The following TMEM178B variants were observed in gnomAD, a reference collection of about 807,000 sequenced individuals.
The protein encoded by TMEM178B is transmembrane protein 178B.
In TMEM178B, 5 loss-of-function variants were observed where a neutral mutation model predicts 31.0. That is an observed-to-expected ratio of 0.16 (90% CI 0.08 to 0.34). The LOEUF is 0.34. Ranked by LOEUF, TMEM178B falls within the 10% of genes least tolerant of loss-of-function variation. TMEM178B has a pLI of 1.00. For synonymous variants in TMEM178B, 164 were observed against 164.0 expected, an observed-to-expected ratio of 1.00 and a Z score of 0.00; for missense variants, 275 against 400.3, an observed-to-expected ratio of 0.69 and a Z score of 2.67.
intron 2 of TMEM178B, among the ~76,000 whole-genome samples, chr7:141,350,028 C>T (rs1398361828): frequency 6.6e-6 from 1 of 151,984 alleles, no homozygotes; most frequent in Non-Finnish European, 1.5e-5. Flanking sequence ...TCTATCTGTC[C>T]ATCCATCCAT....
At chr7:141,449,692 G>A (rs1801829088) in intron 3 of TMEM178B, among the ~76,000 whole-genome samples, 1 of 152,142 alleles carries the variant, frequency 6.6e-6, no homozygotes, top group Admixed American at 6.5e-5. Flanking sequence ...CGGAGAACTG[G>A]CCCAGATCGA....
In TMEM178B at chr7:141,479,518, T is replaced by C. The variant is rs1045349489; in HGVS notation, c.*8732T>C. On this transcript the variant is annotated 3_prime_UTR_variant, in exon 4 of 4. Transcript: ENST00000565468. ...AAACCTCTTTTGTTTGTGAAAAAGA[T>C]AGGTATCGAGATCTTAATGGAGAGA... 5 of 152,158 alleles carry C rather than the reference T, an allele frequency of 3.3e-5. No homozygotes were observed. The highest frequency in any genetic ancestry group is 5.9e-5 in the Non-Finnish European group (4 of 68,018). The allele number at this position is 152,158 out of a possible 1,614,324, so 9.4% of individuals were successfully genotyped here.
At chr7:141,385,521 T>C (rs943873171) in intron 2 of TMEM178B, among the ~76,000 whole-genome samples, 1 of 152,236 alleles carries the variant, frequency 6.6e-6, no homozygotes, top group Middle Eastern at 3.2e-3. Flanking sequence ...AAGTAATTCA[T>C]ACCTAGAGCA....
chr7:141,087,353 CA>C (rs1794805504), intron 1 of TMEM178B, among the ~76,000 whole-genome samples: 1 of 152,140 alleles, frequency 6.6e-6, no homozygotes, highest in Non-Finnish European at 1.5e-5. Flanking sequence ...CAGGGCTTTA[CA>C]ATGATTGATT....
intron 1 of TMEM178B, among the ~76,000 whole-genome samples, chr7:141,096,455 T>C (rs959258342): frequency 2.0e-5 from 3 of 152,228 alleles, no homozygotes; most frequent in Non-Finnish European, 4.4e-5. Context: ...GGACTGAAGA[T>C]GGCAAAGCCT....
Position 141,074,198 on chromosome 7 carries a change from T to G in TMEM178B, c.-113T>G. On this transcript the variant is annotated 5_prime_UTR_variant, in exon 1 of 4. Transcript: ENST00000565468. The surrounding 1 kb of genome is among the most constrained non-coding windows in gnomAD (Gnocchi z 5.1). The stretch of plus-strand genomic sequence containing the variant: ...GGCCGAGGGGGCGCCGCGGCGCGAG[T>G]CCCTCTCCTGCCCCCTCCCCCAGCT... 2.2e-6 allele frequency: 3 copies of G among 1,371,314 alleles called. No individual in the cohort carries two copies. The highest frequency in any genetic ancestry group is 3.4e-5 in the South Asian group (2 of 59,436). The allele number at this position is 1,371,314 out of a possible 1,614,324, so 84.9% of individuals were successfully genotyped here.
At chr7:141,330,508 C>A (rs1223936766) in intron 2 of TMEM178B, among the ~76,000 whole-genome samples, 1 of 152,100 alleles carries the variant, frequency 6.6e-6, no homozygotes, top group Non-Finnish European at 1.5e-5. Flanking sequence ...AGCATATTTT[C>A]TTTATCCAGT....
intron 2 of TMEM178B, among the ~76,000 whole-genome samples, chr7:141,306,284 C>T (rs1432751677): frequency 6.6e-6 from 1 of 152,152 alleles, no homozygotes; most frequent in Admixed American, 6.6e-5. Context: ...CAGTAATTGT[C>T]TGTGCTCTTT....
rs374129149 is a variant in TMEM178B at position 141,414,854 on chromosome 7, G to A, written c.497-22754G>A. The A allele has an allele frequency of 7.5e-4, 114 of 152,192 alleles. 1 individual carries two copies. Among genetic ancestry groups the A allele is most frequent in the African/African-American group, 2.6e-3 (109 of 41,442 alleles). 9.4% of individuals were successfully genotyped at this position (152,192 alleles called of 1,614,324 possible). A position where few individuals can be genotyped will look rare whatever the true frequency, so the allele number is the denominator to read the frequency against. ...GTTCCAAAAGTTGGGTCAATTATAT[G>A]TGTGCGTTATTATTTATTCTATTAT... On this transcript the variant is annotated intron_variant, in intron 2 of 3. Coordinates refer to ENST00000565468, the MANE Select transcript of TMEM178B (RefSeq NM_001195278.2).
At chr7:141,493,272 T>G in the TMEM178B span, among the ~76,000 whole-genome samples, 7 of 152,174 alleles carry the variant, frequency 4.6e-5, no homozygotes, top group African/African-American at 9.7e-5. Context: ...AGGTGGTTGT[T>G]AGAGCCCTTG....
chr7:141,284,082 A>G lies in TMEM178B; in HGVS notation c.496+71378A>G, dbSNP rs145761188. On this transcript the variant is annotated intron_variant, in intron 2 of 3. Transcript: ENST00000565468. ...GGCTTGGTGTTCTGGGCACAGTGCA[A>G]TGCATTTCTACATGGTTGATCCTCA... Among the ~76,000 whole-genome samples the G allele has an allele frequency of 3.3e-5, 5 of 152,324 alleles. No homozygotes were observed. The East Asian group carries it at 5.8e-4, about 18-fold the overall frequency.
At chr7:141,127,603 C>A (rs1425982243) in intron 1 of TMEM178B, among the ~76,000 whole-genome samples, 2 of 152,208 alleles carry the variant, frequency 1.3e-5, no homozygotes, top group East Asian at 3.8e-4. Flanking sequence ...AGGTTCTCCC[C>A]TACAGCCTCT....
chr7:141,403,083 G>A (rs1418492180), intron 2 of TMEM178B, among the ~76,000 whole-genome samples: 1 of 152,168 alleles, frequency 6.6e-6, no homozygotes, highest in Non-Finnish European at 1.5e-5. Flanking sequence ...TGGCTTTGAG[G>A]CCACAGAGGC....
At chr7:141,195,552 C>A (rs990598219) in intron 1 of TMEM178B, among the ~76,000 whole-genome samples, 1 of 152,178 alleles carries the variant, frequency 6.6e-6, no homozygotes, top group African/African-American at 2.4e-5. Context: ...CAAAGCCATT[C>A]AACAAGTCTC....
intron 3 of TMEM178B, among the ~76,000 whole-genome samples, chr7:141,468,699 G>A (rs1485155125): frequency 6.6e-6 from 1 of 152,190 alleles, no homozygotes; most frequent in Non-Finnish European, 1.5e-5. Context: ...CTCACGCCAG[G>A]GAACTCGAGG....
chr7:141,204,853 C>A (rs1796936899), intron 1 of TMEM178B, among the ~76,000 whole-genome samples: 1 of 152,154 alleles, frequency 6.6e-6, no homozygotes, highest in Non-Finnish European at 1.5e-5. Context: ...CAGGATCTTG[C>A]TCTGTCACCC....
rs11442055 is a variant in TMEM178B at position 141,343,525 on chromosome 7, C to CTTTTTT, written c.497-94064_497-94059dup. ...ATAGCCACAGCTGTGATGGGAGCACCTTTTTTTTTTTTTTTTTTTTTTTTG... is the reference window on the plus strand; with the variant it reads ...ATAGCCACAGCTGTGATGGGAGCACCTTTTTTTTTTTTTTTTTTTTTTTTTTTTTTG... On this transcript the variant is annotated intron_variant, in intron 2 of 3. Coordinates refer to ENST00000565468, the MANE Select transcript of TMEM178B (RefSeq NM_001195278.2). Among the ~76,000 whole-genome samples, 38 of 86,998 alleles carry CTTTTTT rather than the reference C, an allele frequency of 4.4e-4. 1 individual carries two copies. Among genetic ancestry groups the CTTTTTT allele is most frequent in the Admixed American group, 5.8e-4 (4 of 6,940 alleles). 57.1% of individuals were successfully genotyped at this position (86,998 alleles called of 152,430 possible).
intron 2 of TMEM178B, among the ~76,000 whole-genome samples, chr7:141,253,065 T>C (rs563107336): frequency 6.6e-6 from 1 of 152,372 alleles, no homozygotes; most frequent in East Asian, 1.9e-4. Context: ...TCCAGTTCTG[T>C]GGTGCTATGC....
At chr7:141,097,154 G>T (rs1794973514) in intron 1 of TMEM178B, among the ~76,000 whole-genome samples, 1 of 151,808 alleles carries the variant, frequency 6.6e-6, no homozygotes, top group African/African-American at 2.4e-5. Context: ...ACAGTAGCTA[G>T]TATTCCATTA....
Sources: gnomAD v4.1 joint callset for allele counts (sites outside exome capture counted in the v4.1 genomes callset) on GRCh38, gnomAD v4.1.1 for gene constraint, Gnocchi (gnomAD v3.1) non-coding constraint, MANE v1.5 for transcripts, NCBI Gene and HGNC (gene_info 2026-07-23, HGNC 2026-07-21) for gene names.